Variants in CACNB4 observed in about 807,000 individuals in gnomAD.
CACNB4 encodes voltage-dependent L-type calcium channel subunit beta-4.
Under a neutral mutation model 71.2 loss-of-function variants are expected in CACNB4, and 32 were observed. The ratio of observed to expected loss-of-function variants is 0.45; its 90% CI spans 0.34 to 0.60. CACNB4 has a LOEUF of 0.60. CACNB4 is among the 20% of genes least tolerant of loss of function. The pLI, the probability that CACNB4 is intolerant of heterozygous loss-of-function variation, is 0.01. For missense variants in CACNB4, 464 were observed against 647.9 expected (o/e 0.72, Z 3.08); for synonymous variants, 231 against 236.9 (o/e 0.97, Z 0.23).
intron 2 of CACNB4, among the ~76,000 whole-genome samples, chr2:151,986,214 C>T (rs1392156873): frequency 6.6e-6 from 1 of 152,102 alleles, no homozygotes; most frequent in Non-Finnish European, 1.5e-5. Context: ...TGCTGTTAGT[C>T]TCATTTCTAA....
In CACNB4 at chr2:152,080,357, G is replaced by C. The variant is rs369461727; in HGVS notation, c.147+17973C>G. Among the ~76,000 whole-genome samples the C allele has an allele frequency of 5.9e-5, 9 of 152,124 alleles. No homozygotes were observed. The South Asian group carries it at 1.0e-3, about 18-fold the overall frequency. ...AGGATGGTCTTGAACTCCTGACCTC[G>C]TGATCCCCCTGCCTCGACCTCCCAA... On this transcript the variant is annotated intron_variant, in intron 2 of 13. Coordinates refer to ENST00000539935, the MANE Select transcript of CACNB4 (RefSeq NM_000726.5).
intron 2 of CACNB4, among the ~76,000 whole-genome samples, chr2:152,075,909 G>A (rs879496205): frequency 2.0e-5 from 3 of 152,158 alleles, no homozygotes; most frequent in Admixed American, 6.5e-5. Context: ...CTGTCCTGAA[G>A]CAGGTCAAGG....
At chr2:151,938,129 G>A (rs1217225312) in intron 2 of CACNB4, among the ~76,000 whole-genome samples, 1 of 152,146 alleles carries the variant, frequency 6.6e-6, no homozygotes, top group East Asian at 1.9e-4. Flanking sequence ...AGTCTTTCAT[G>A]TACCAGAAAT....
chr2:152,054,134 G>A (rs918303834), intron 2 of CACNB4, among the ~76,000 whole-genome samples: 25 of 151,990 alleles, frequency 1.6e-4, no homozygotes, highest in Middle Eastern at 3.4e-3. Flanking sequence ...TTGGGAGGCC[G>A]AGACGGGCAG....
At chr2:152,035,441 T>C (rs1246873899) in intron 2 of CACNB4, among the ~76,000 whole-genome samples, 1 of 152,104 alleles carries the variant, frequency 6.6e-6, no homozygotes, top group Admixed American at 6.5e-5. Context: ...ATGCCTGTAA[T>C]CCCAACTACT....
chr2:151,941,455 T>G (rs978577786), intron 2 of CACNB4, among the ~76,000 whole-genome samples: 3 of 151,958 alleles, frequency 2.0e-5, no homozygotes, highest in Admixed American at 2.0e-4. Flanking sequence ...CTAATTTTTG[T>G]ATTTTTAGTA....
chr2:151,979,864 G>C (rs1223508385), intron 2 of CACNB4, among the ~76,000 whole-genome samples: 1 of 152,122 alleles, frequency 6.6e-6, no homozygotes, highest in Non-Finnish European at 1.5e-5. Flanking sequence ...TTCCTTATCT[G>C]CAAAGCTTCA....
chr2:151,972,725 C>T (rs2099872934), intron 2 of CACNB4: 1 of 151,336 alleles, frequency 6.6e-6, no homozygotes, highest in Non-Finnish European at 1.5e-5. Flanking sequence ...TTGTTATAAC[C>T]TGTTTATTTG....
intron 2 of CACNB4, among the ~76,000 whole-genome samples, chr2:151,976,568 C>A (rs939690382): frequency 7.0e-6 from 1 of 142,698 alleles, no homozygotes; most frequent in Non-Finnish European, 1.6e-5. Flanking sequence ...GGAGTCTTCC[C>A]CTAGGGTCTG....
chr2:151,926,155 T>C (rs991327285), intron 2 of CACNB4, among the ~76,000 whole-genome samples: 32 of 152,158 alleles, frequency 2.1e-4, no homozygotes, highest in African/African-American at 7.7e-4. Context: ...AGAGAAGACA[T>C]TGAAGGACTG....
intron 2 of CACNB4, among the ~76,000 whole-genome samples, chr2:151,897,535 T>C (rs934539709): frequency 1.3e-5 from 2 of 152,160 alleles, no homozygotes; most frequent in Non-Finnish European, 2.9e-5. Context: ...GAAAAAAAAG[T>C]AACTAGATGA....
intron 2 of CACNB4, among the ~76,000 whole-genome samples, chr2:152,064,323 C>A (rs796490371): frequency 3.3e-4 from 50 of 152,302 alleles, no homozygotes; most frequent in African/African-American, 1.1e-3. Context: ...ATATTCAAAT[C>A]TATATTTTAT....
chr2:152,005,966 G>A (rs759905894), intron 2 of CACNB4, among the ~76,000 whole-genome samples: 8 of 152,162 alleles, frequency 5.3e-5, no homozygotes, highest in Admixed American at 1.3e-4. Context: ...AACAATGTTC[G>A]CTATCATTAG....
intron 2 of CACNB4, among the ~76,000 whole-genome samples, chr2:152,007,931 C>T (rs987892878): frequency 9.2e-5 from 14 of 151,904 alleles, no homozygotes; most frequent in African/African-American, 3.4e-4. Context: ...GCCACCATGC[C>T]CAGCTAATTT....
chr2:151,979,486 T>C (rs1453248415), intron 2 of CACNB4, among the ~76,000 whole-genome samples: 1 of 152,076 alleles, frequency 6.6e-6, no homozygotes, highest in Non-Finnish European at 1.5e-5. Context: ...GCCAATCTCT[T>C]AGAAAACACA....
At chr2:151,859,356 T>C (rs776972621) in intron 10 of CACNB4, 5 of 152,196 alleles carry the variant, frequency 3.3e-5, no homozygotes, top group Non-Finnish European at 5.9e-5. Context: ...ACAACCTGGC[T>C]TAAGCTTTTA....
chr2:151,961,650 G>A (rs1287999977), intron 2 of CACNB4, among the ~76,000 whole-genome samples: 2 of 152,128 alleles, frequency 1.3e-5, no homozygotes, highest in Admixed American at 6.5e-5. Flanking sequence ...TAGCACTTTG[G>A]GAAGCCGAGG....
intron 2 of CACNB4, among the ~76,000 whole-genome samples, chr2:151,918,943 T>C (rs966708463): frequency 5.3e-5 from 8 of 152,230 alleles, no homozygotes; most frequent in Non-Finnish European, 4.4e-5. Context: ...ACTGAAAGCC[T>C]TCCTAAATCA....
chr2:151,915,896 G>A (rs1373069701), intron 2 of CACNB4, among the ~76,000 whole-genome samples: 2 of 150,310 alleles, frequency 1.3e-5, no homozygotes, highest in African/African-American at 4.9e-5. Flanking sequence ...GGGTTGGGAC[G>A]CTAGGCCCTG....
Sources: gnomAD v4.1 joint callset for allele counts (sites outside exome capture counted in the v4.1 genomes callset) on GRCh38, gnomAD v4.1.1 for gene constraint, MANE v1.5 for transcripts, NCBI Gene and HGNC (gene_info 2026-07-23, HGNC 2026-07-21) for gene names.